PLEKHH2: variants seen among roughly 807,000 people sequenced by gnomAD.
PLEKHH2 encodes pleckstrin homology, MyTH4 and FERM domain containing H2.
A neutral mutation model predicts 187.9 loss-of-function variants in PLEKHH2; 129 were observed. The ratio of observed to expected loss-of-function variants is 0.69; its 90% CI spans 0.59 to 0.79. The LOEUF is 0.79. Ranked by LOEUF, PLEKHH2 falls within the 30% of genes least tolerant of loss-of-function variation. PLEKHH2 has a pLI of 0.00. For missense variants in PLEKHH2, 2,076 were observed against 1,751.2 expected (o/e 1.19, Z -3.31); for synonymous variants, 686 against 605.6 (o/e 1.13, Z -1.95).
intron 18 of PLEKHH2, among the ~76,000 whole-genome samples, chr2:43,730,773 G>A (rs1671000082): frequency 6.6e-6 from 1 of 152,144 alleles, no homozygotes; most frequent in Admixed American, 6.5e-5. Context: ...CGCTAAGAGA[G>A]ACCACATTTT....
At chr2:43,720,975 C>G (rs1203182478) in intron 16 of PLEKHH2, among the ~76,000 whole-genome samples, 1 of 152,168 alleles carries the variant, frequency 6.6e-6, no homozygotes, top group Admixed American at 6.5e-5. Flanking sequence ...ATTAATGCAT[C>G]TTCTAAGACC....
In PLEKHH2 at chr2:43,724,934, C is replaced by T. The variant is rs114588505; in HGVS notation, c.2542-1338C>T. On this transcript the variant is annotated intron_variant, in intron 16 of 29. Transcript: ENST00000282406. ...TTCTTGTTCTCAAGGACAAGGAGATCTGGGTCATGGACACACACAGACAGA... is the reference window on the plus strand; with the variant it reads ...TTCTTGTTCTCAAGGACAAGGAGATTTGGGTCATGGACACACACAGACAGA... 2.6e-3 allele frequency among the ~76,000 whole-genome samples: 403 copies of T among 152,282 alleles called. 1 individual carries two copies. The highest frequency in any genetic ancestry group is 9.2e-3 in the African/African-American group (383 of 41,548).
intron 2 of PLEKHH2, among the ~76,000 whole-genome samples, chr2:43,668,063 G>A (rs1252508486): frequency 2.0e-5 from 3 of 151,946 alleles, no homozygotes; most frequent in South Asian, 4.2e-4. Context: ...GATGAAGTCC[G>A]GCTCTGTCAC....
At chr2:43,727,321 G>C (rs1331555961) in intron 17 of PLEKHH2, among the ~76,000 whole-genome samples, 1 of 147,962 alleles carries the variant, frequency 6.8e-6, no homozygotes, top group East Asian at 1.9e-4. Flanking sequence ...CTGAGGCAGG[G>C]GAATCGCTTG....
In PLEKHH2 at chr2:43,681,199, A is replaced by G. The variant is rs941518529; in HGVS notation, c.186+2274A>G. 57 of 674,914 alleles carry G rather than the reference A, an allele frequency of 8.4e-5. No individual in the cohort carries two copies. The African/African-American group carries it at 8.6e-4, about 10-fold the overall frequency. The allele number at this position is 674,914 out of a possible 1,614,324, so 41.8% of individuals were successfully genotyped here. A position where few individuals can be genotyped will look rare whatever the true frequency, so the allele number is the denominator to read the frequency against. On this transcript the variant is annotated intron_variant, in intron 3 of 29. Coordinates refer to ENST00000282406, the MANE Select transcript of PLEKHH2 (RefSeq NM_172069.4). ...GGTCCACCACTATTCCTCAAAGAAT[A>G]CAGAAAGCTGTTTCTCCATGTATTA...
At chr2:43,684,082 T>C (rs1668374025) in intron 3 of PLEKHH2, among the ~76,000 whole-genome samples, 1 of 152,212 alleles carries the variant, frequency 6.6e-6, no homozygotes, top group Admixed American at 6.5e-5. Context: ...GTGTTTACTC[T>C]TGGTGTTTTA....
At chr2:43,643,178 G>A (rs1666027827) in intron 1 of PLEKHH2, among the ~76,000 whole-genome samples, 1 of 151,978 alleles carries the variant, frequency 6.6e-6, no homozygotes, top group Non-Finnish European at 1.5e-5. Flanking sequence ...TGCTAATATG[G>A]GTAATGGAAA....
chr2:43,710,754 T>G (rs1175289487), intron 14 of PLEKHH2, 179 bp downstream of exon 14: 2 of 1,387,316 alleles, frequency 1.4e-6, no homozygotes, highest in Non-Finnish European at 1.9e-6. Context: ...AACTATAATG[T>G]AAGTTAGGTG....
chr2:43,737,613 G>T lies in PLEKHH2; in HGVS notation c.2944-728G>T, dbSNP rs141808923. On this transcript the variant is annotated intron_variant, in intron 19 of 29. Transcript: ENST00000282406. ...GCTGGAGGATTCCAAACTCTCTCAC[G>T]TGGCTGTTGGCAAAGAAGCCTCAGT... 2.2e-3 allele frequency among the ~76,000 whole-genome samples: 330 copies of T among 152,270 alleles called. 1 individual carries two copies. The highest frequency in any genetic ancestry group is 7.6e-3 in the African/African-American group (314 of 41,554).
chr2:43,644,871 A>C, intron 2 of PLEKHH2, 75 bp downstream of exon 2: 161 of 1,400,108 alleles, frequency 1.1e-4, no homozygotes, highest in Middle Eastern at 1.9e-4. Context: ...AAATAATCTC[A>C]GTACTTTGGG....
rs997950070 is a variant in PLEKHH2 at position 43,707,422 on chromosome 2, A to G, written c.1843A>G (p.Ser615Gly). The change falls in exon 11 of 30, where the codon AGC (serine) becomes GGC (glycine). Residue 615 changes from serine to glycine, a missense_variant. Physicochemically the swap from Ser to Gly is moderately conservative, Grantham distance 56 (BLOSUM62 0). Coordinates refer to ENST00000282406, the MANE Select transcript of PLEKHH2 (RefSeq NM_172069.4). ...TTAGAAGGCGACCCAAATAAGTAGC[A>G]GCCCTTTCCTGGATGACTCATCTGG... The part of the protein sequence containing the change: ...LKGKATQISS[S>G]PFLDDSSGSE... 3 of 1,614,116 alleles carry G rather than the reference A, an allele frequency of 1.9e-6. No homozygotes were observed. The highest frequency in any genetic ancestry group is 2.5e-6 in the Non-Finnish European group (3 of 1,180,006).
intron 2 of PLEKHH2, among the ~76,000 whole-genome samples, chr2:43,646,728 T>C (rs1214904154): frequency 6.6e-6 from 1 of 152,080 alleles, no homozygotes; most frequent in Admixed American, 6.5e-5. Flanking sequence ...TCAGATTAAA[T>C]GTTTTCTTTG....
intron 2 of PLEKHH2, among the ~76,000 whole-genome samples, chr2:43,645,727 C>T (rs1039500739): frequency 2.0e-5 from 3 of 151,992 alleles, no homozygotes; most frequent in South Asian, 2.1e-4. Context: ...ACTTTTTAAA[C>T]GTGTGTATTA....
intron 2 of PLEKHH2, among the ~76,000 whole-genome samples, chr2:43,677,824 G>C (rs1667906476): frequency 6.7e-6 from 1 of 149,342 alleles, no homozygotes; most frequent in South Asian, 2.1e-4. Context: ...GGCTGGGCGG[G>C]GGGCTGACCC....
At chr2:43,647,361 A>G (rs1221012374) in intron 2 of PLEKHH2, among the ~76,000 whole-genome samples, 3 of 152,244 alleles carry the variant, frequency 2.0e-5, no homozygotes, top group Non-Finnish European at 4.4e-5. Flanking sequence ...TTCACACTAA[A>G]AAGTGAGTAG....
rs1222629386 is a variant in PLEKHH2 at position 43,650,683 on chromosome 2, C to A, written c.123+5887C>A. Among the ~76,000 whole-genome samples, 4 of 150,312 alleles carry A rather than the reference C, an allele frequency of 2.7e-5. 1 individual carries two copies. Among genetic ancestry groups the A allele is most frequent in the African/African-American group, 9.8e-5 (4 of 40,756 alleles). ...TTTTTTAAGTTGAAGTCTCACTCTG[C>A]TGCCCAAGCTGGAGTGCAGTGGTAC... On this transcript the variant is annotated intron_variant, in intron 2 of 29. Coordinates refer to ENST00000282406, the MANE Select transcript of PLEKHH2 (RefSeq NM_172069.4).
intron 2 of PLEKHH2, among the ~76,000 whole-genome samples, chr2:43,647,235 C>A (rs988421558): frequency 2.0e-5 from 3 of 152,154 alleles, no homozygotes; most frequent in African/African-American, 7.2e-5. Flanking sequence ...CTTCTAAGTG[C>A]TTTAAATATA....
At position 43,678,884 on chromosome 2, in the gene PLEKHH2, G is replaced by T. The variant is rs930885802; in HGVS notation, c.145G>T (p.Val49Phe). The stretch of plus-strand genomic sequence containing the variant: ...ACAGATGCAACAGCTTGAGAGACAA[G>T]TTATTGATGCTGAACGTCAAGCAGA... ...AEKMQQLERQ[V>F]IDAERQAEKA... Residue 49 changes from valine (V) to phenylalanine (F), a missense_variant, in exon 3 of 30, where the codon GTT becomes TTT. Physicochemically the swap from Val to Phe is conservative, Grantham distance 50. Transcript: ENST00000282406. 1 of 1,607,088 alleles carries T rather than the reference G, an allele frequency of 6.2e-7. No homozygotes were observed. Among genetic ancestry groups the T allele is most frequent in the African/African-American group, 1.3e-5 (1 of 74,954 alleles).
Position 43,695,176 on chromosome 2 carries a change from A to C in PLEKHH2, c.454A>C (p.Asn152His). Residue 152 changes from asparagine (N) to histidine (H), a missense_variant, in exon 6 of 30, where the codon AAC (asparagine) becomes CAC (histidine). Asn to His is a moderately conservative substitution (Grantham distance 68). Transcript: ENST00000282406. ...ELENQNLRLINQNQTEEIRTM... is the reference protein window; with the variant it reads ...ELENQNLRLIHQNQTEEIRTM... Reference sequence around the variant, plus strand: ...GGAGAATCAGAATCTTCGTTTGATCAACCAAAACCAAACTGAAGAGATAAG... The same window carrying C: ...GGAGAATCAGAATCTTCGTTTGATCCACCAAAACCAAACTGAAGAGATAAG... 1 of 1,599,480 alleles carries C rather than the reference A, an allele frequency of 6.3e-7. No homozygotes were observed. Among genetic ancestry groups the C allele is most frequent in the Non-Finnish European group, 8.5e-7 (1 of 1,170,916 alleles).
Sources: allele counts gnomAD v4.1 joint callset (sites outside exome capture counted in the v4.1 genomes callset), GRCh38; gene constraint gnomAD v4.1.1; transcripts MANE v1.5; gene names NCBI Gene and HGNC (gene_info 2026-07-23, HGNC 2026-07-21).